Variants in USP47 observed in about 807,000 individuals in gnomAD.
The protein encoded by USP47 is ubiquitin carboxyl-terminal hydrolase 47.
Under a neutral mutation model 165.1 loss-of-function variants are expected in USP47, and 35 were observed. That is an observed-to-expected ratio of 0.21 (90% confidence interval 0.16 to 0.28). USP47 has a LOEUF of 0.28. USP47 is among the 10% of genes least tolerant of loss of function. USP47 has a pLI of 1.00. For missense variants in USP47, 1,277 were observed against 1,607.4 expected, an observed-to-expected ratio of 0.79 and a Z score of 3.52; for synonymous variants, 531 against 544.5, an observed-to-expected ratio of 0.98 and a Z score of 0.35.
At chr11:11,946,735 T>C (rs1855868235) in intron 20 of USP47, among the ~76,000 whole-genome samples, 2 of 148,028 alleles carry the variant, frequency 1.4e-5, no homozygotes, top group African/African-American at 4.8e-5. Context: ...CCTTAAAGCT[T>C]AAAAAGTGAC....
At position 11,842,149 on chromosome 11, in the gene USP47, C is replaced by A; in HGVS notation, c.-37C>A. On this transcript the variant is annotated 5_prime_UTR_variant, in exon 1 of 28. Coordinates refer to ENST00000527733, the MANE Select transcript of USP47 (RefSeq NM_001282659.2). Reference sequence around the variant, plus strand: ...GCGAGCCGCCGCCACCCTCCACCCTCCCCCGGCAGGGCGGAGAGGAGCGGC... The same window carrying A: ...GCGAGCCGCCGCCACCCTCCACCCTACCCCGGCAGGGCGGAGAGGAGCGGC... 6.5e-7 allele frequency: 1 copy of A among 1,550,224 alleles called. No individual in the cohort carries two copies. Among genetic ancestry groups the A allele is most frequent in the Non-Finnish European group, 8.7e-7 (1 of 1,145,984 alleles).
intron 3 of USP47, among the ~76,000 whole-genome samples, chr11:11,886,965 T>C (rs1337485453): frequency 2.6e-5 from 4 of 152,108 alleles, no homozygotes; most frequent in Non-Finnish European, 5.9e-5. Flanking sequence ...ACCCAAAATT[T>C]CATATCTGGC....
chr11:11,929,530 C>A lies in USP47; in HGVS notation c.1483C>A (p.Gln495Lys). 1.2e-6 allele frequency: 2 copies of A among 1,613,170 alleles called. No individual in the cohort carries two copies. The highest frequency in any genetic ancestry group is 1.7e-6 in the Non-Finnish European group (2 of 1,179,322). ...ATGTATAAAGTCATTCAGTGATGAG[C>A]AGTGGTACAGCTTCAATGATCAACA... ...YACIKSFSDE[Q>K]WYSFNDQHVS... Residue 495 changes from glutamine to lysine, a missense_variant, in exon 12 of 28, where the codon CAG (glutamine) becomes AAG (lysine). Gln to Lys is a moderately conservative substitution (Grantham distance 53). Transcript: ENST00000527733.
intron 18 of USP47, among the ~76,000 whole-genome samples, chr11:11,939,046 G>A (rs1408678604): frequency 6.6e-6 from 1 of 152,048 alleles, no homozygotes; most frequent in East Asian, 1.9e-4. Context: ...TTAAATACTG[G>A]TGCCATTATG....
intron 1 of USP47, among the ~76,000 whole-genome samples, chr11:11,879,131 A>G (rs556312028): frequency 9.2e-5 from 14 of 152,280 alleles, no homozygotes; most frequent in African/African-American, 3.4e-4. Context: ...GGTTGAAGGA[A>G]TATAAGATTG....
At chr11:11,929,699 A>AATTTTTG in intron 12 of USP47, 134 bp downstream of exon 12, 1 of 1,331,966 alleles carries the variant, frequency 7.5e-7, no homozygotes, top group South Asian at 1.6e-5. Context: ...ATCTGTCTTT[A>AATTTTTG]ATTTTTGCTT....
intron 6 of USP47, 67 bp downstream of exon 6, chr11:11,902,927 C>T (rs1852319415): frequency 1.3e-5 from 19 of 1,424,440 alleles, no homozygotes; most frequent in Non-Finnish European, 1.5e-5. Context: ...AATAATATTA[C>T]AAACACATTA....
At chr11:11,902,899 A>G in intron 6 of USP47, 39 bp downstream of exon 6, 3 of 1,488,938 alleles carry the variant, frequency 2.0e-6, no homozygotes, top group Admixed American at 2.4e-5. Flanking sequence ...TCTAATATTC[A>G]AACAAATTCT....
At chr11:11,910,997 A>G (rs1376590862) in intron 8 of USP47, among the ~76,000 whole-genome samples, 4 of 152,228 alleles carry the variant, frequency 2.6e-5, no homozygotes, top group African/African-American at 9.6e-5. Flanking sequence ...AGTCCTAAGC[A>G]CACTGAAAAC....
intron 1 of USP47, among the ~76,000 whole-genome samples, chr11:11,847,573 A>G (rs1281163849): frequency 6.6e-6 from 1 of 152,126 alleles, no homozygotes; most frequent in East Asian, 1.9e-4. Flanking sequence ...ATCGCCATCT[A>G]TTTATATGCT....
intron 8 of USP47, among the ~76,000 whole-genome samples, chr11:11,918,937 C>G (rs907269011): frequency 6.6e-6 from 1 of 151,674 alleles, no homozygotes; most frequent in African/African-American, 2.4e-5. Flanking sequence ...TAGAACTTTC[C>G]TTTTTCCCCC....
At position 11,959,841 on chromosome 11, in the gene USP47, G is replaced by A. The variant is rs1847376548; in HGVS notation, c.*3666G>A. Among the ~76,000 whole-genome samples the A allele has an allele frequency of 6.6e-6, 1 of 152,112 alleles. No individual in the cohort carries two copies. Among genetic ancestry groups the A allele is most frequent in the Non-Finnish European group, 1.5e-5 (1 of 68,032 alleles). Reference sequence around the variant, plus strand: ...GTGTCAGCTCACCAGGTCAGAAATTGTTATTGGACCCTAAAACCTTGCCTC... The same window carrying A: ...GTGTCAGCTCACCAGGTCAGAAATTATTATTGGACCCTAAAACCTTGCCTC... On this transcript the variant is annotated 3_prime_UTR_variant, in exon 28 of 28. Coordinates refer to ENST00000527733, the MANE Select transcript of USP47 (RefSeq NM_001282659.2).
At chr11:11,896,560 C>G (rs1246831284) in intron 4 of USP47, among the ~76,000 whole-genome samples, 1 of 152,072 alleles carries the variant, frequency 6.6e-6, no homozygotes. Context: ...GCTTAGATAC[C>G]ATACAAACTT....
At chr11:11,899,310 G>A (rs1236389686) in intron 5 of USP47, among the ~76,000 whole-genome samples, 3 of 152,220 alleles carry the variant, frequency 2.0e-5, no homozygotes, top group African/African-American at 7.2e-5. Flanking sequence ...TACTCTGAAA[G>A]TGGACTGTAA....
intron 1 of USP47, among the ~76,000 whole-genome samples, chr11:11,845,086 C>G (rs1186924233): frequency 6.6e-6 from 1 of 152,142 alleles, no homozygotes; most frequent in East Asian, 1.9e-4. Context: ...AAATTTTAGT[C>G]TTGAAACAGC....
intron 8 of USP47, among the ~76,000 whole-genome samples, chr11:11,914,594 A>C (rs1853269217): frequency 6.6e-6 from 1 of 152,082 alleles, no homozygotes; most frequent in South Asian, 2.1e-4. Context: ...GATAAAGAGA[A>C]TCTCCAGACA....
intron 1 of USP47, among the ~76,000 whole-genome samples, chr11:11,851,210 G>A (rs1231033500): frequency 1.3e-5 from 2 of 152,206 alleles, no homozygotes; most frequent in South Asian, 2.1e-4. Flanking sequence ...CTTTAAGCAT[G>A]CAGATTAACC....
At position 11,948,287 on chromosome 11, in the gene USP47, T is replaced by C. The variant is rs1855982745; in HGVS notation, c.3267+167T>C. On this transcript the variant is annotated intron_variant, in intron 21 of 27. Transcript: ENST00000527733. Reference sequence around the variant, plus strand: ...TTGTTGTTATTTTTCTTCACTCATCTAACAAACATTTGTGAAATGTTAGCT... The same window carrying C: ...TTGTTGTTATTTTTCTTCACTCATCCAACAAACATTTGTGAAATGTTAGCT... The C allele has an allele frequency of 1.1e-5, 10 of 899,252 alleles. No individual in the cohort carries two copies. The South Asian group carries it at 1.7e-4, about 15-fold the overall frequency. 55.7% of individuals were successfully genotyped at this position (899,252 alleles called of 1,614,324 possible).
intron 3 of USP47, among the ~76,000 whole-genome samples, chr11:11,889,391 A>G (rs575419433): frequency 3.3e-5 from 5 of 152,252 alleles, no homozygotes; most frequent in Admixed American, 1.3e-4. Flanking sequence ...GTGTGCAGAA[A>G]TTGCTAGTAT....
Sources: gnomAD v4.1 joint callset for allele counts (sites outside exome capture counted in the v4.1 genomes callset) on GRCh38, gnomAD v4.1.1 for gene constraint, MANE v1.5 for transcripts, NCBI Gene and HGNC (gene_info 2026-07-23, HGNC 2026-07-21) for gene names.